SLC17A1: variants seen among roughly 807,000 people sequenced by gnomAD.
SLC17A1 encodes the protein sodium-dependent phosphate transport protein 1.
SLC17A1 carries 51 observed loss-of-function variants against 53.5 expected under a neutral mutation model. The ratio of observed to expected loss-of-function variants is 0.95; its 90% CI spans 0.76 to 1.20. The LOEUF (loss-of-function observed/expected upper bound fraction) is 1.20, where lower values mean the gene tolerates loss of function less well. SLC17A1 is among the 50% of genes most tolerant of loss of function. The pLI is 0.00. For missense variants in SLC17A1, 538 were observed against 568.2 expected (o/e 0.95, Z 0.54); for synonymous variants, 179 against 198.8 (o/e 0.90, Z 0.84).
chr6:25,777,066 G>A, the SLC17A1 span: 1 of 1,236,108 alleles, frequency 8.1e-7, no homozygotes, highest in Non-Finnish European at 1.1e-6. Context: ...CAGGTTGCAG[G>A]AAATGTCAGC....
At chr6:25,726,785 A>G in the SLC17A1 span, 32 of 1,264,664 alleles carry the variant, frequency 2.5e-5, no homozygotes, top group East Asian at 2.8e-4. Flanking sequence ...CTGTTTGTTT[A>G]CTTGGCGAGA....
the SLC17A1 span, among the ~76,000 whole-genome samples, chr6:25,748,455 T>C: frequency 2.0e-5 from 3 of 151,904 alleles, no homozygotes; most frequent in South Asian, 6.2e-4. Flanking sequence ...TTATAAAGAC[T>C]AGAAGAAAAG....
chr6:25,748,874 T>C, the SLC17A1 span, among the ~76,000 whole-genome samples: 1 of 152,246 alleles, frequency 6.6e-6, no homozygotes, highest in East Asian at 1.9e-4. Flanking sequence ...CAAAGCAGCA[T>C]TGCTGCCAAC....
the SLC17A1 span, chr6:25,770,839 C>T: frequency 2.0e-6 from 2 of 1,022,204 alleles, no homozygotes; most frequent in South Asian, 1.3e-5. Flanking sequence ...CATACCTTCA[C>T]TCACTGTGCA....
At chr6:25,826,888 A>G (rs1764769001) in intron 2 of SLC17A1, among the ~76,000 whole-genome samples, 1 of 152,140 alleles carries the variant, frequency 6.6e-6, no homozygotes, top group Non-Finnish European at 1.5e-5. Context: ...CTTTGGCTCA[A>G]GTCTATTTTT....
Position 25,792,694 on chromosome 6 carries a change from C to T in SLC17A1, c.*2+6089G>A, listed in dbSNP as rs145283626. On this transcript the variant is annotated intron_variant, in intron 12 of 12. Transcript: ENST00000244527. Reference sequence around the variant, plus strand: ...TCCTCCTTGTCAAGCTTTCCAATCTCGTAATAAACACTCTTTAGTTGCTAA... The same window carrying T: ...TCCTCCTTGTCAAGCTTTCCAATCTTGTAATAAACACTCTTTAGTTGCTAA... Among the ~76,000 whole-genome samples, 6 of 152,288 alleles carry T rather than the reference C, an allele frequency of 3.9e-5. No individual in the cohort carries two copies. The East Asian group carries it at 1.2e-3, about 29-fold the overall frequency.
the SLC17A1 span, among the ~76,000 whole-genome samples, chr6:25,749,228 G>A: frequency 1.3e-5 from 2 of 152,174 alleles, no homozygotes; most frequent in Admixed American, 6.5e-5. Flanking sequence ...ATAGAGAATG[G>A]CGATGACTTT....
At chr6:25,770,534 CA>C in the SLC17A1 span, 1 of 1,425,780 alleles carries the variant, frequency 7.0e-7, no homozygotes, top group Admixed American at 1.7e-5. Flanking sequence ...AAAGTCCTGC[CA>C]ACAGAACCAA....
At chr6:25,823,815 A>T (rs1764647719) in intron 3 of SLC17A1, among the ~76,000 whole-genome samples, 1 of 151,932 alleles carries the variant, frequency 6.6e-6, no homozygotes, top group Non-Finnish European at 1.5e-5. Context: ...TATCTTGAAA[A>T]ATCAGTTGTT....
intron 3 of SLC17A1, among the ~76,000 whole-genome samples, chr6:25,824,339 C>T (rs577858864): frequency 1.3e-5 from 2 of 151,808 alleles, no homozygotes; most frequent in South Asian, 4.2e-4. Context: ...TGCTGGTCAT[C>T]ATGATCAGTG....
intron 2 of SLC17A1, among the ~76,000 whole-genome samples, chr6:25,827,849 T>C (rs1033811757): frequency 2.0e-5 from 3 of 152,162 alleles, no homozygotes; most frequent in Non-Finnish European, 4.4e-5. Context: ...GTCCACCATC[T>C]GGCCCTTAAA....
the SLC17A1 span, among the ~76,000 whole-genome samples, chr6:25,728,029 C>A: frequency 1.5e-4 from 23 of 152,054 alleles, no homozygotes; most frequent in South Asian, 1.2e-3. Flanking sequence ...AACAAAAAAA[C>A]CCCCTAGTTT....
chr6:25,801,002 A>G, intron 10 of SLC17A1, 22 bp from the exon 11 acceptor site: 1 of 1,288,770 alleles, frequency 7.8e-7, no homozygotes, highest in Middle Eastern at 1.9e-4. Context: ...AGAGTAATAC[A>G]CAAATGTAAA....
the SLC17A1 span, chr6:25,732,828 C>T: frequency 8.9e-6 from 4 of 450,162 alleles, no homozygotes; most frequent in Non-Finnish European, 1.5e-5. Context: ...TATGAATAAC[C>T]ACCCAAGTTG....
At chr6:25,817,367 A>G (rs1764394662) in intron 6 of SLC17A1, among the ~76,000 whole-genome samples, 1 of 152,232 alleles carries the variant, frequency 6.6e-6, no homozygotes, top group Non-Finnish European at 1.5e-5. Context: ...AGGTCGTTTG[A>G]CATACGTGGA....
the SLC17A1 span, among the ~76,000 whole-genome samples, chr6:25,729,698 T>C: frequency 6.6e-6 from 1 of 152,274 alleles, no homozygotes; most frequent in Middle Eastern, 3.4e-3. Context: ...ATTCATTATT[T>C]TTTAACTTTT....
the SLC17A1 span, chr6:25,727,378 G>T: frequency 1.7e-6 from 2 of 1,202,306 alleles, no homozygotes; most frequent in East Asian, 2.5e-5. Flanking sequence ...CTTCGTTTTT[G>T]TGTAGTTTCT....
chr6:25,776,616 C>T, the SLC17A1 span: 4 of 1,610,028 alleles, frequency 2.5e-6, no homozygotes, highest in Non-Finnish European at 3.4e-6. Context: ...GTCTGCCTTG[C>T]CGTTTGTTGT....
At chr6:25,797,897 A>G (rs926205183) in intron 12 of SLC17A1, among the ~76,000 whole-genome samples, 4 of 152,126 alleles carry the variant, frequency 2.6e-5, no homozygotes, top group African/African-American at 9.7e-5. Context: ...AAAGACCCTG[A>G]GCCTTTTGAC....
Sources: gnomAD v4.1 joint callset for allele counts (sites outside exome capture counted in the v4.1 genomes callset) on GRCh38, gnomAD v4.1.1 for gene constraint, MANE v1.5 for transcripts, NCBI Gene and HGNC (gene_info 2026-07-23, HGNC 2026-07-21) for gene names.